Variants in DOCK10 observed in about 807,000 individuals in gnomAD.
DOCK10 encodes dedicator of cytokinesis protein 10.
In DOCK10, 145 loss-of-function variants were observed where a neutral mutation model predicts 280.1. The observed-to-expected ratio is 0.52, with a 90% confidence interval of 0.45 to 0.59. The LOEUF (loss-of-function observed/expected upper bound fraction) is 0.59. Among genes scored for constraint, DOCK10 ranks in the 20% least tolerant of loss-of-function variants. The probability of loss-of-function intolerance (pLI) is 0.00; values close to 1 mark genes in which losing one functional copy is unlikely to be tolerated. For missense variants in DOCK10, 2,368 were observed against 2,651.7 expected, an observed-to-expected ratio of 0.89 and a Z score of 2.35; for synonymous variants, 915 against 942.2, an observed-to-expected ratio of 0.97 and a Z score of 0.53.
chr2:224,916,814 C>T, intron 2 of DOCK10, 30 bp from the exon 3 acceptor site: 1 of 1,565,994 alleles, frequency 6.4e-7, no homozygotes, highest in South Asian at 1.2e-5. Flanking sequence ...GAAATTGAGT[C>T]CTCCGGCTTA....
chr2:224,810,356 G>A (rs894082972), intron 31 of DOCK10, among the ~76,000 whole-genome samples: 1 of 152,030 alleles, frequency 6.6e-6, no homozygotes, highest in Admixed American at 6.6e-5. Context: ...AATGGGAGGT[G>A]GATTTTAGTC....
chr2:224,873,887 TAG>T (rs1364174364), intron 11 of DOCK10, 107 bp downstream of exon 11: 1 of 1,159,166 alleles, frequency 8.6e-7, no homozygotes, highest in Non-Finnish European at 1.2e-6. Flanking sequence ...CCTGGTACAC[TAG>T]AGAGTGAGAA....
intron 1 of DOCK10, among the ~76,000 whole-genome samples, chr2:225,001,288 C>CTTTTT (rs1559944626): frequency 8.2e-6 from 1 of 121,372 alleles, no homozygotes; most frequent in Non-Finnish European, 1.6e-5. Flanking sequence ...ATACAACAGA[C>CTTTTT]CTTTTTTTTT....
chr2:224,823,735 A>G, intron 27 of DOCK10, 88 bp from the exon 28 acceptor site: 1 of 1,255,480 alleles, frequency 8.0e-7, no homozygotes. Flanking sequence ...ACTTTATTTT[A>G]TAGGTCATTA....
intron 55 of DOCK10, among the ~76,000 whole-genome samples, chr2:224,768,006 T>C (rs1054342845): frequency 1.3e-5 from 2 of 152,016 alleles, no homozygotes; most frequent in Non-Finnish European, 2.9e-5. Flanking sequence ...CTCTGCCTCC[T>C]GAGTTCAAGC....
chr2:224,880,804 T>C (rs1698933836), intron 7 of DOCK10, among the ~76,000 whole-genome samples: 1 of 152,204 alleles, frequency 6.6e-6, no homozygotes, highest in African/African-American at 2.4e-5. Flanking sequence ...AAATCAAATA[T>C]TTAATTATAC....
chr2:224,946,822 A>C, intron 1 of DOCK10: 1 of 1,496,330 alleles, frequency 6.7e-7, no homozygotes, highest in Non-Finnish European at 9.0e-7. Flanking sequence ...GATGGAAAGC[A>C]AAACATTGAC....
At chr2:224,843,489 T>C (rs1317795563) in intron 22 of DOCK10, among the ~76,000 whole-genome samples, 2 of 152,114 alleles carry the variant, frequency 1.3e-5, no homozygotes, top group East Asian at 3.9e-4. Flanking sequence ...AGAGAAAAGA[T>C]GGGTTTAAAT....
At chr2:224,785,446 T>A (rs1691666190) in intron 50 of DOCK10, among the ~76,000 whole-genome samples, 1 of 152,208 alleles carries the variant, frequency 6.6e-6, no homozygotes, top group Admixed American at 6.5e-5. Flanking sequence ...ACTTATCTTT[T>A]CCAGGTAGAA....
chr2:224,886,327 T>C, intron 5 of DOCK10, 132 bp downstream of exon 5: 2 of 1,481,894 alleles, frequency 1.3e-6, no homozygotes, highest in Non-Finnish European at 1.8e-6. Flanking sequence ...CGTGACTCAT[T>C]TTGACTAAAA....
At chr2:225,021,863 G>C (rs888679106) in intron 1 of DOCK10, among the ~76,000 whole-genome samples, 2 of 152,174 alleles carry the variant, frequency 1.3e-5, no homozygotes, top group Non-Finnish European at 1.5e-5. Context: ...GTTTTTTGGG[G>C]AGGCACTTGG....
At chr2:225,035,348 C>T (rs1199678790) in intron 1 of DOCK10, among the ~76,000 whole-genome samples, 1 of 151,406 alleles carries the variant, frequency 6.6e-6, no homozygotes. Flanking sequence ...CTATGGAAGC[C>T]CATTCTTACC....
chr2:224,988,489 G>A (rs1028505654), intron 1 of DOCK10, among the ~76,000 whole-genome samples: 1 of 152,180 alleles, frequency 6.6e-6, no homozygotes, highest in Non-Finnish European at 1.5e-5. Context: ...CCCTCTATGA[G>A]GCAGTGCTGT....
In DOCK10 at chr2:224,874,271, T is replaced by A. The variant is rs1481737376; in HGVS notation, c.1096A>T (p.Ile366Leu). The A allele has an allele frequency of 6.2e-7, 1 of 1,612,998 alleles. No homozygotes were observed. The highest frequency in any genetic ancestry group is 1.1e-5 in the South Asian group (1 of 90,818). ...RLNLFSLDPD[I>L]DTLKLQKKDL... The stretch of plus-strand genomic sequence containing the variant: ...TAGAAAAAATTTTGACTTACATCTA[T>A]GTCTGGATCTAGAGAGAACAGATTT... Residue 366 changes from isoleucine (I) to leucine (L), a missense_variant, in exon 10 of 56, where the codon ATA becomes TTA. Physicochemically the swap from Ile to Leu is conservative, Grantham distance 5. This residue lies in a region of DOCK10 where 1,209 missense variants were observed against 1,250.9 expected (regional missense o/e 0.97). Transcript: ENST00000258390.
intron 27 of DOCK10, among the ~76,000 whole-genome samples, chr2:224,825,154 T>G (rs1574888144): frequency 6.6e-6 from 1 of 151,602 alleles, no homozygotes; most frequent in East Asian, 1.9e-4. Flanking sequence ...AATTTTTGTA[T>G]TTTTTAGTAG....
At chr2:224,798,057 G>A in intron 41 of DOCK10, 88 bp from the exon 42 acceptor site, 7 of 1,326,100 alleles carry the variant, frequency 5.3e-6, no homozygotes, top group Non-Finnish European at 6.3e-6. Context: ...CTGTCATGTG[G>A]TAAGGCACTA....
chr2:224,773,026 C>A, intron 53 of DOCK10, 131 bp downstream of exon 53: 6 of 779,802 alleles, frequency 7.7e-6, no homozygotes, highest in Middle Eastern at 3.8e-4. Flanking sequence ...TTTTAAAGAC[C>A]CAGATAAAGG....
intron 7 of DOCK10, among the ~76,000 whole-genome samples, chr2:224,881,441 T>C (rs781662012): frequency 1.1e-4 from 17 of 152,182 alleles, no homozygotes; most frequent in Non-Finnish European, 2.2e-4. Flanking sequence ...CATGAACATA[T>C]CTTTGTAGTG....
intron 1 of DOCK10, among the ~76,000 whole-genome samples, chr2:224,997,982 C>CA (rs1706320573): frequency 6.6e-6 from 1 of 152,096 alleles, no homozygotes; most frequent in African/African-American, 2.4e-5. Flanking sequence ...TTCTGGCAAA[C>CA]AAAGATGTGT....
Sources: allele counts gnomAD v4.1 joint callset (sites outside exome capture counted in the v4.1 genomes callset), GRCh38; gene constraint gnomAD v4.1.1; regional missense constraint gnomAD v4.1.1; transcripts MANE v1.5; gene names NCBI Gene and HGNC (gene_info 2026-07-23, HGNC 2026-07-21).